The following CAMSAP3 variants were observed in gnomAD, a reference collection of about 807,000 sequenced individuals.
The protein encoded by CAMSAP3 is calmodulin-regulated spectrin-associated protein 3.
A neutral mutation model predicts 112.5 loss-of-function variants in CAMSAP3; 34 were observed. That is an observed-to-expected ratio of 0.30 (90% CI 0.23 to 0.40). CAMSAP3 has a LOEUF of 0.40. Ranked by LOEUF, CAMSAP3 falls within the 10% of genes least tolerant of loss-of-function variation. CAMSAP3 has a pLI of 1.00. For synonymous variants in CAMSAP3, 868 were observed against 799.8 expected, an observed-to-expected ratio of 1.09 and a Z score of -1.44; for missense variants, 1,602 against 1,770.3, an observed-to-expected ratio of 0.90 and a Z score of 1.71.
chr19:7,597,278 C>T (rs556949162), intron 1 of CAMSAP3, among the ~76,000 whole-genome samples: 1 of 152,132 alleles, frequency 6.6e-6, no homozygotes, highest in Non-Finnish European at 1.5e-5. Flanking sequence ...TCTCTGTCTG[C>T]GTCGTTCCAT....
In CAMSAP3 at chr19:7,606,548, G is replaced by C. The variant is rs1372361145; in HGVS notation, c.598G>C (p.Gly200Arg). Residue 200 changes from glycine (G) to arginine (R), a missense_variant, in exon 4 of 17, where the codon GGG (glycine) becomes CGG (arginine). Physicochemically the swap from Gly to Arg is moderately radical, Grantham distance 125 (BLOSUM62 -2). Around this residue, in one of 6 missense-constraint regions of CAMSAP3, gnomAD observed 112 missense variants for 94.2 expected, o/e 1.19. Transcript: ENST00000160298. ...AGCCTCTCCAGCAGCCCCTGCAGAC[G>C]GGGCGGCCCCGGCGCAGCCCTCGGT... ...QRASPAAPAD[G>R]AAPAQPSIRY... 1 of 1,545,138 alleles carries C rather than the reference G, an allele frequency of 6.5e-7. No individual in the cohort carries two copies. The highest frequency in any genetic ancestry group is 2.4e-5 in the East Asian group (1 of 41,796).
At chr19:7,608,342 C>G in intron 5 of CAMSAP3, 78 bp downstream of exon 5, 3 of 1,521,932 alleles carry the variant, frequency 2.0e-6, no homozygotes, top group Non-Finnish European at 2.7e-6. Context: ...CCCTCCATCC[C>G]CAGGTCCGCG....
At chr19:7,606,151 G>GGCCCCCCC in intron 2 of CAMSAP3, 120 bp from the exon 3 acceptor site, 2 of 151,400 alleles carry the variant, frequency 1.3e-5, no homozygotes, top group South Asian at 5.3e-5. Flanking sequence ...GCCCCCTCAA[G>GGCCCCCCC]CCCCACCCCC....
intron 2 of CAMSAP3, 52 bp from the exon 3 acceptor site, chr19:7,606,218 AG>A: frequency 7.4e-7 from 1 of 1,347,720 alleles, no homozygotes; most frequent in East Asian, 4.8e-5. Context: ...TTGGGGGCCG[AG>A]GTGCGCCTCC....
intron 4 of CAMSAP3, 35 bp from the exon 5 acceptor site, chr19:7,608,091 C>G: frequency 6.3e-7 from 1 of 1,597,278 alleles, no homozygotes; most frequent in East Asian, 2.2e-5. Flanking sequence ...TGGGGGCCAG[C>G]CTGGCCACTC....
chr19:7,615,129 C>G lies in CAMSAP3; in HGVS notation c.2671-54C>G. 2 of 1,548,412 alleles carry G rather than the reference C, an allele frequency of 1.3e-6. No individual in the cohort carries two copies. Among genetic ancestry groups the G allele is most frequent in the Non-Finnish European group, 1.7e-6 (2 of 1,145,198 alleles). On this transcript the variant is annotated intron_variant, in intron 11 of 16. Coordinates refer to ENST00000160298, the MANE Select transcript of CAMSAP3 (RefSeq NM_020902.2). This position sits in a 1 kb window ranked among gnomAD's most constrained non-coding sequence, Gnocchi z 6.5. ...CAGGCTGGGTGGAGGGAAGATGGGC[C>G]TCCAGCCATGTTGGGGGAGGGGGTG...
rs1287729761 is a variant in CAMSAP3, at chr19:7,605,212, C to G, written c.149-14C>G. 2 of 1,513,352 alleles carry G rather than the reference C, an allele frequency of 1.3e-6. No individual in the cohort carries two copies. The highest frequency in any genetic ancestry group is 1.8e-6 in the Non-Finnish European group (2 of 1,124,412). The allele number at this position is 1,513,352 out of a possible 1,614,324, so 93.7% of individuals were successfully genotyped here. A position where few individuals can be genotyped will look rare whatever the true frequency, so the allele number is the denominator to read the frequency against. On this transcript the variant is annotated splice_polypyrimidine_tract_variant and intron_variant, in intron 1 of 16. Coordinates refer to ENST00000160298, the MANE Select transcript of CAMSAP3 (RefSeq NM_020902.2). ...TGACCCTGACCCCCGTGTTTCCCCTCTATGCCCCCACAGAGCACGTGCCCC... is the reference window on the plus strand; with the variant it reads ...TGACCCTGACCCCCGTGTTTCCCCTGTATGCCCCCACAGAGCACGTGCCCC...
rs1275016113 is a variant in CAMSAP3 at position 7,617,297 on chromosome 19, A to G, written c.3213-29A>G. On this transcript the variant is annotated intron_variant, in intron 14 of 16. Transcript: ENST00000160298. This position sits in a 1 kb window ranked among gnomAD's most constrained non-coding sequence, Gnocchi z 7.5. Reference sequence around the variant, plus strand: ...CCCACCTCCATCCCATCCTGACCCCACCTCCATCCCATCCTTCTCCCACTG... The same window carrying G: ...CCCACCTCCATCCCATCCTGACCCCGCCTCCATCCCATCCTTCTCCCACTG... The G allele has an allele frequency of 3.9e-6, 6 of 1,522,068 alleles. No homozygotes were observed. Among genetic ancestry groups the G allele is most frequent in the Non-Finnish European group, 5.5e-6 (6 of 1,097,874 alleles). 94.3% of individuals were successfully genotyped at this position (1,522,068 alleles called of 1,614,324 possible).
Position 7,596,013 on chromosome 19 carries a change from CGG to C in CAMSAP3, c.12_13del (p.Pro7ArgfsTer89). The C allele has an allele frequency of 8.8e-7, 1 of 1,140,108 alleles. No individual in the cohort carries two copies. Among genetic ancestry groups the C allele is most frequent in the Non-Finnish European group, 1.1e-6 (1 of 914,208 alleles). 70.6% of individuals were successfully genotyped at this position (1,140,108 alleles called of 1,614,324 possible). A position where few individuals can be genotyped will look rare whatever the true frequency, so the allele number is the denominator to read the frequency against. On this transcript the variant is annotated frameshift_variant, in exon 1 of 17. Coordinates refer to ENST00000160298, the MANE Select transcript of CAMSAP3 (RefSeq NM_020902.2). LOFTEE classifies it high-confidence loss of function. ...AGCCCCGGCGCCGCCATGGTGGAGG[CGG>C]CGCCCCCCGGGCCCGGGCCGCTGCG...
At chr19:7,606,146 C>T in intron 2 of CAMSAP3, 125 bp from the exon 3 acceptor site, 1 of 433,798 alleles carries the variant, frequency 2.3e-6, no homozygotes, top group Admixed American at 3.3e-5. Flanking sequence ...GCCCCGCCCC[C>T]TCAAGCCCCA....
At position 7,612,433 on chromosome 19, in the gene CAMSAP3, G is replaced by T; in HGVS notation, c.1940G>T (p.Gly647Val). 1 of 1,591,624 alleles carries T rather than the reference G, an allele frequency of 6.3e-7. No homozygotes were observed. ...CAGGTGCAGCCGCGGGAAGCCTCTGGGGAGGCGGAAGCAGAGGCGGAGGAG... is the reference window on the plus strand; with the variant it reads ...CAGGTGCAGCCGCGGGAAGCCTCTGTGGAGGCGGAAGCAGAGGCGGAGGAG... ...FLQVQPREAS[G>V]EAEAEAEEAD... The change falls in exon 11 of 17, where the codon GGG (glycine) becomes GTG (valine). Residue 647 changes from glycine to valine, a missense_variant. By Grantham distance (109) the Gly-to-Val change is moderately radical. Coordinates refer to ENST00000160298, the MANE Select transcript of CAMSAP3 (RefSeq NM_020902.2).
rs2030751101 is a variant in CAMSAP3 at position 7,615,766 on chromosome 19, C to T, written c.3112+47C>T. ...GGCCTGCCCAGTGCCCTTTCCGGGGCTCACTGGGTGAGGCCCCCATGGGTA... is the reference window on the plus strand; with the variant it reads ...GGCCTGCCCAGTGCCCTTTCCGGGGTTCACTGGGTGAGGCCCCCATGGGTA... On this transcript the variant is annotated intron_variant, in intron 13 of 16. Transcript: ENST00000160298. The surrounding 1 kb of genome is among the most constrained non-coding windows in gnomAD (Gnocchi z 6.5). The T allele has an allele frequency of 7.8e-7, 1 of 1,283,804 alleles. No homozygotes were observed. Among genetic ancestry groups the T allele is most frequent in the African/African-American group, 1.6e-5 (1 of 62,288 alleles). 79.5% of individuals were successfully genotyped at this position (1,283,804 alleles called of 1,614,324 possible).
rs759369693 is a variant in CAMSAP3, at chr19:7,606,224, G to A, written c.403-47G>A. ...CCCAGGCCCTTGGGGGCCGAGGTGCGCCTCCTGCAGCTCTCAGGTCTCACC... is the reference window on the plus strand; with the variant it reads ...CCCAGGCCCTTGGGGGCCGAGGTGCACCTCCTGCAGCTCTCAGGTCTCACC... On this transcript the variant is annotated intron_variant, in intron 2 of 16. Transcript: ENST00000160298. The A allele has an allele frequency of 5.6e-6, 9 of 1,604,836 alleles. No homozygotes were observed. The Admixed American group carries it at 6.7e-5, about 12-fold the overall frequency.
intron 1 of CAMSAP3, among the ~76,000 whole-genome samples, chr19:7,603,676 C>T (rs2030069263): frequency 6.6e-6 from 1 of 152,058 alleles, no homozygotes; most frequent in Non-Finnish European, 1.5e-5. Context: ...GGTGAGGCTT[C>T]CATCTTTATA....
Position 7,609,738 on chromosome 19 carries a change from C to T in CAMSAP3, c.761-738C>T, listed in dbSNP as rs576500092. Among the ~76,000 whole-genome samples, 14 of 152,254 alleles carry T rather than the reference C, an allele frequency of 9.2e-5. 1 individual carries two copies. In the South Asian group the frequency reaches 1.2e-3, roughly 14 times the overall value. The stretch of plus-strand genomic sequence containing the variant: ...CCCTGAGCTTGTTCCTGCAACTAGA[C>T]GGTCCCAGCTGGGGGTGATGAGAGA... On this transcript the variant is annotated intron_variant, in intron 5 of 16. Coordinates refer to ENST00000160298, the MANE Select transcript of CAMSAP3 (RefSeq NM_020902.2).
At chr19:7,614,864 C>T (rs1227051730) in intron 11 of CAMSAP3, 3 of 472,398 alleles carry the variant, frequency 6.4e-6, no homozygotes, top group Admixed American at 3.6e-5. Flanking sequence ...TGTCTCCAGG[C>T]CAGGCCGGGG....
In CAMSAP3 at chr19:7,610,972, G is replaced by A; in HGVS notation, c.1049+41G>A. Reference sequence around the variant, plus strand: ...TGGGCGAGTCTCTGGCATTGTGGGTGTGGGGCTCCATGTCTGCCTTGCTGA... The same window carrying A: ...TGGGCGAGTCTCTGGCATTGTGGGTATGGGGCTCCATGTCTGCCTTGCTGA... On this transcript the variant is annotated intron_variant, in intron 8 of 16. Coordinates refer to ENST00000160298, the MANE Select transcript of CAMSAP3 (RefSeq NM_020902.2). The surrounding 1 kb of genome is among the most constrained non-coding windows in gnomAD (Gnocchi z 4.9). 2 of 1,576,074 alleles carry A rather than the reference G, an allele frequency of 1.3e-6. No homozygotes were observed. The highest frequency in any genetic ancestry group is 1.7e-6 in the Non-Finnish European group (2 of 1,156,048).
Position 7,615,294 on chromosome 19 carries a change from A to C in CAMSAP3, c.2782A>C (p.Lys928Gln). ...RRRKQWQEVE[K>Q]EQRREEAARL... is the part of the protein sequence containing the mutation. Reference sequence around the variant, plus strand: ...GCGCAAGCAGTGGCAGGAGGTGGAGAAGGAACAGCGGAGGGAGGAGGCCGC... The same window carrying C: ...GCGCAAGCAGTGGCAGGAGGTGGAGCAGGAACAGCGGAGGGAGGAGGCCGC... The change falls in exon 12 of 17, where the codon AAG (lysine) becomes CAG (glutamine). Residue 928 changes from lysine to glutamine, a missense_variant. Lys to Gln is a moderately conservative substitution (Grantham distance 53). Transcript: ENST00000160298. The surrounding 1 kb of genome is among the most constrained non-coding windows in gnomAD (Gnocchi z 6.5). 6 of 1,548,574 alleles carry C rather than the reference A, an allele frequency of 3.9e-6. No individual in the cohort carries two copies. Among genetic ancestry groups the C allele is most frequent in the Non-Finnish European group, 4.4e-6 (5 of 1,145,994 alleles).
intron 11 of CAMSAP3, among the ~76,000 whole-genome samples, chr19:7,614,259 C>CAAA (rs1173068955): frequency 0.017 from 325 of 18,786 alleles, 36 homozygotes; most frequent in Non-Finnish European, 0.022. Flanking sequence ...GACTCCATCT[C>CAAA]AAAAAAAAAA....
Sources: allele counts gnomAD v4.1 joint callset (sites outside exome capture counted in the v4.1 genomes callset), GRCh38; gene constraint gnomAD v4.1.1; regional missense constraint gnomAD v4.1.1; non-coding constraint Gnocchi (gnomAD v3.1); transcripts MANE v1.5; gene names NCBI Gene and HGNC (gene_info 2026-07-23, HGNC 2026-07-21).